ADAM23: variants seen among roughly 807,000 people sequenced by gnomAD.
The protein encoded by ADAM23 is disintegrin and metalloproteinase domain-containing protein 23.
ADAM23 carries 33 observed loss-of-function variants against 120.1 expected under a neutral mutation model. That is an observed-to-expected ratio of 0.27 (90% confidence interval 0.21 to 0.37). The LOEUF is 0.37. ADAM23 is among the 10% of genes least tolerant of loss of function. The pLI, the probability that ADAM23 is intolerant of heterozygous loss-of-function variation, is 1.00. For synonymous variants in ADAM23, 367 were observed against 375.2 expected (o/e 0.98, Z 0.25); for missense variants, 862 against 1,058.2 (o/e 0.81, Z 2.57).
intron 25 of ADAM23, among the ~76,000 whole-genome samples, chr2:206,616,128 T>A (rs548421086): frequency 6.1e-4 from 93 of 152,234 alleles, no homozygotes; most frequent in Middle Eastern, 6.8e-3. Context: ...ACTCACAGAG[T>A]ATGGCTCCTT....
At chr2:206,445,948 A>G (rs996878441) in intron 2 of ADAM23, among the ~76,000 whole-genome samples, 3 of 152,254 alleles carry the variant, frequency 2.0e-5, no homozygotes, top group Non-Finnish European at 4.4e-5. Flanking sequence ...ATTTGGCTGC[A>G]GTGTCTCCAT....
At chr2:206,580,277 G>T (rs1419960692) in intron 18 of ADAM23, among the ~76,000 whole-genome samples, 1 of 152,128 alleles carries the variant, frequency 6.6e-6, no homozygotes, top group Non-Finnish European at 1.5e-5. Context: ...GTGAGAGTGG[G>T]CATCCTTGTC....
At chr2:206,570,058 A>G (rs560339675) in intron 15 of ADAM23, among the ~76,000 whole-genome samples, 1 of 152,344 alleles carries the variant, frequency 6.6e-6, no homozygotes, top group South Asian at 2.1e-4. Context: ...AACTACCTTT[A>G]CAGTTGCTCT....
intron 9 of ADAM23, among the ~76,000 whole-genome samples, chr2:206,552,003 A>G (rs1697537324): frequency 6.6e-6 from 1 of 152,110 alleles, no homozygotes; most frequent in South Asian, 2.1e-4. Context: ...GAAGGACTTT[A>G]ATTTGCTTGA....
chr2:206,564,968 A>G (rs555650208), intron 13 of ADAM23, 52 bp from the exon 14 acceptor site: 1 of 1,596,216 alleles, frequency 6.3e-7, no homozygotes, highest in Non-Finnish European at 8.6e-7. Flanking sequence ...AAAATATGTG[A>G]CTTTCTTTGT....
intron 3 of ADAM23, among the ~76,000 whole-genome samples, chr2:206,515,554 C>G (rs1233297909): frequency 2.6e-5 from 4 of 152,116 alleles, no homozygotes; most frequent in African/African-American, 4.8e-5. Flanking sequence ...CTACAGCTCT[C>G]TGGTCTGATA....
At chr2:206,608,093 T>A (rs939703850) in intron 24 of ADAM23, 1 of 344,918 alleles carries the variant, frequency 2.9e-6, no homozygotes, top group Non-Finnish European at 5.7e-6. Context: ...GTAAGTAGAA[T>A]AAAGTTTCTC....
chr2:206,498,966 G>C (rs1188997678), intron 3 of ADAM23, among the ~76,000 whole-genome samples: 1 of 152,200 alleles, frequency 6.6e-6, no homozygotes, highest in Non-Finnish European at 1.5e-5. Context: ...ACACCAGTTA[G>C]AATGGCGATC....
intron 3 of ADAM23, among the ~76,000 whole-genome samples, chr2:206,508,180 C>T (rs1051847328): frequency 3.9e-5 from 6 of 152,140 alleles, no homozygotes; most frequent in East Asian, 1.9e-4. Flanking sequence ...CAGGCATCCA[C>T]CACCACGCCC....
chr2:206,524,679 T>C (rs933410792), intron 3 of ADAM23, among the ~76,000 whole-genome samples: 2 of 152,198 alleles, frequency 1.3e-5, no homozygotes, highest in Admixed American at 1.3e-4. Context: ...TTTCCCCTTA[T>C]AAAACATCAG....
At chr2:206,616,712 A>G (rs1203878232) in intron 25 of ADAM23, among the ~76,000 whole-genome samples, 1 of 152,038 alleles carries the variant, frequency 6.6e-6, no homozygotes, top group Non-Finnish European at 1.5e-5. Context: ...GTTTTGCATG[A>G]TGCCTCGGTG....
At chr2:206,580,387 T>C (rs929678376) in intron 18 of ADAM23, among the ~76,000 whole-genome samples, 1 of 152,194 alleles carries the variant, frequency 6.6e-6, no homozygotes, top group Non-Finnish European at 1.5e-5. Context: ...TTGAGGTATG[T>C]CCCTTGTATG....
chr2:206,517,834 T>C (rs1696766298), intron 3 of ADAM23, among the ~76,000 whole-genome samples: 1 of 152,192 alleles, frequency 6.6e-6, no homozygotes, highest in South Asian at 2.1e-4. Flanking sequence ...TAATGGACCA[T>C]ATACAGTTAA....
At chr2:206,575,240 G>A (rs1698088748) in intron 18 of ADAM23, among the ~76,000 whole-genome samples, 1 of 152,116 alleles carries the variant, frequency 6.6e-6, no homozygotes, top group Non-Finnish European at 1.5e-5. Context: ...CAAAAAGGAA[G>A]TCAAGAATCA....
At chr2:206,597,422 C>T (rs1313500711) in intron 24 of ADAM23, among the ~76,000 whole-genome samples, 1 of 152,062 alleles carries the variant, frequency 6.6e-6, no homozygotes, top group East Asian at 1.9e-4. Context: ...TCATAATCCA[C>T]CCACCTTGGC....
At chr2:206,477,134 A>T (rs1412808534) in intron 2 of ADAM23, among the ~76,000 whole-genome samples, 1 of 152,174 alleles carries the variant, frequency 6.6e-6, no homozygotes, top group Non-Finnish European at 1.5e-5. Flanking sequence ...AGCATGTATG[A>T]TTGCTTAATG....
chr2:206,526,167 CACACACACACACAGACACACACAG>C (rs1413542620), intron 3 of ADAM23, among the ~76,000 whole-genome samples: 18 of 151,576 alleles, frequency 1.2e-4, no homozygotes, highest in African/African-American at 3.9e-4. Flanking sequence ...CACACACACA[CACACACACACACAGACACACACAG>C]ACACACGTCT....
rs1284721273 is a variant in ADAM23 at position 206,544,640 on chromosome 2, T to C, written c.720+1324T>C. Among the ~76,000 whole-genome samples the C allele has an allele frequency of 2.7e-5, 4 of 146,344 alleles. No homozygotes were observed. The Admixed American group carries it at 2.8e-4, about 10-fold the overall frequency. On this transcript the variant is annotated intron_variant, in intron 6 of 25. Coordinates refer to ENST00000264377, the MANE Select transcript of ADAM23 (RefSeq NM_003812.4). ...TTTTTTTTTTTTTTTTTTGAGATAG[T>C]CTCGCTCTTTCGCCTAGGCTGGAGT... is the stretch of plus-strand genomic sequence containing the variant.
chr2:206,573,239 G>T (rs1574542086), intron 18 of ADAM23, 44 bp downstream of exon 18: 1 of 1,570,782 alleles, frequency 6.4e-7, no homozygotes, highest in Non-Finnish European at 8.8e-7. Context: ...ACTTGTACAG[G>T]TTGAGTATTC....
Sources: gnomAD v4.1 joint callset for allele counts (sites outside exome capture counted in the v4.1 genomes callset) on GRCh38, gnomAD v4.1.1 for gene constraint, MANE v1.5 for transcripts, NCBI Gene and HGNC (gene_info 2026-07-23, HGNC 2026-07-21) for gene names.